LEPR: variants seen among roughly 807,000 people sequenced by gnomAD.
LEPR encodes the protein OB receptor.
Under a neutral mutation model 114.7 loss-of-function variants are expected in LEPR, and 56 were observed. The observed-to-expected ratio is 0.49, with a 90% CI of 0.39 to 0.61. LEPR has a LOEUF of 0.61. LEPR is among the 20% of genes least tolerant of loss of function. LEPR has a pLI of 0.00. For missense variants in LEPR, 1,202 were observed against 1,352.9 expected (o/e 0.89, Z 1.75); for synonymous variants, 443 against 461.4 (o/e 0.96, Z 0.51).
intron 1 of LEPR, among the ~76,000 whole-genome samples, chr1:65,421,069 C>G (rs1441093023): frequency 6.6e-6 from 1 of 152,234 alleles, no homozygotes; most frequent in African/African-American, 2.4e-5. Context: ...CTTCTTGACG[C>G]CACCCTAACG....
At chr1:65,604,750 C>T (rs1253193769) in intron 10 of LEPR, among the ~76,000 whole-genome samples, 1 of 152,224 alleles carries the variant, frequency 6.6e-6, no homozygotes, top group Non-Finnish European at 1.5e-5. Flanking sequence ...CACCTCCTGT[C>T]AGATCAGCGC....
chr1:65,432,959 A>C, intron 2 of LEPR: 1 of 985,128 alleles, frequency 1.0e-6, no homozygotes, highest in Non-Finnish European at 1.2e-6. Context: ...AAAACAAAAC[A>C]TACTCTCTCC....
Position 65,519,109 on chromosome 1 carries a change from C to CTCCTTCCTTCCTTCCT in LEPR, c.-20-46407_-20-46392dup, listed in dbSNP as rs202044069. On this transcript the variant is annotated intron_variant, in intron 2 of 19. Transcript: ENST00000349533. ...TTCCTTCCATCCTCTGTGTCTCTCT[C>CTCCTTCCTTCCTTCCT]TCCTTCCTTCCTTCCTTCCTTCCTT... Among the ~76,000 whole-genome samples the CTCCTTCCTTCCTTCCT allele has an allele frequency of 4.4e-3, 481 of 109,660 alleles. 1 individual carries two copies. The highest frequency in any genetic ancestry group is 8.6e-3 in the Middle Eastern group (2 of 232). 71.9% of individuals were successfully genotyped at this position (109,660 alleles called of 152,430 possible). A position where few individuals can be genotyped will look rare whatever the true frequency, so the allele number is the denominator to read the frequency against.
chr1:65,605,093 G>T lies in LEPR; in HGVS notation c.1459G>T (p.Asp487Tyr). ...TATTCATCCCATATCTGAGCCCAAAGATTGCTATTTGCAGAGTGATGGTTT... is the reference window on the plus strand; with the variant it reads ...TATTCATCCCATATCTGAGCCCAAATATTGCTATTTGCAGAGTGATGGTTT... ...PSIHPISEPKDCYLQSDGFYE... is the reference protein window; with the variant it reads ...PSIHPISEPKYCYLQSDGFYE... Residue 487 changes from aspartate to tyrosine, a missense_variant, in exon 11 of 20, where the codon GAT becomes TAT. Asp to Tyr is a radical substitution (Grantham distance 160). Coordinates refer to ENST00000349533, the MANE Select transcript of LEPR (RefSeq NM_002303.6). 1.2e-6 allele frequency: 2 copies of T among 1,614,038 alleles called. No individual in the cohort carries two copies. The highest frequency in any genetic ancestry group is 1.7e-6 in the Non-Finnish European group (2 of 1,180,006).
At chr1:65,484,800 A>G (rs1038469182) in intron 2 of LEPR, among the ~76,000 whole-genome samples, 1 of 152,244 alleles carries the variant, frequency 6.6e-6, no homozygotes. Flanking sequence ...AACATAGGTT[A>G]TCAGATGCAT....
rs565247991 is a variant in LEPR at position 65,565,362 on chromosome 1, G to A, written c.-20-184G>A. Among the ~76,000 whole-genome samples, 3 of 152,280 alleles carry A rather than the reference G, an allele frequency of 2.0e-5. No individual in the cohort carries two copies. In the East Asian group the frequency reaches 5.8e-4, roughly 29 times the overall value. ...TATTTTTAATGATGTAAGATAGGAT[G>A]CGTACAGGAATAAATCTGTAGCCTA... On this transcript the variant is annotated intron_variant, in intron 2 of 19. Coordinates refer to ENST00000349533, the MANE Select transcript of LEPR (RefSeq NM_002303.6).
At chr1:65,598,607 T>C in intron 7 of LEPR, 53 bp from the exon 8 acceptor site, 1 of 1,608,154 alleles carries the variant, frequency 6.2e-7, no homozygotes, top group Non-Finnish European at 8.5e-7. Flanking sequence ...TCACTTTTAG[T>C]AAAGGTTCCA....
intron 2 of LEPR, among the ~76,000 whole-genome samples, chr1:65,443,067 T>C (rs149166934): frequency 1.3e-5 from 2 of 152,324 alleles, no homozygotes; most frequent in Non-Finnish European, 2.9e-5. Context: ...TTTTCAACAT[T>C]GTGCTAGATA....
chr1:65,459,989 A>C (rs1646924425), intron 2 of LEPR, among the ~76,000 whole-genome samples: 1 of 151,862 alleles, frequency 6.6e-6, no homozygotes, highest in Admixed American at 6.6e-5. Flanking sequence ...AAATGAGCCC[A>C]CATGCCTATA....
intron 2 of LEPR, among the ~76,000 whole-genome samples, chr1:65,459,251 G>A (rs1034161295): frequency 1.3e-5 from 2 of 152,182 alleles, no homozygotes; most frequent in Admixed American, 6.5e-5. Context: ...GTTGCCAGTG[G>A]TAGTTACCGA....
In LEPR at chr1:65,636,301, G is replaced by C; in HGVS notation, c.2784G>C (p.Trp928Cys). The C allele has an allele frequency of 6.2e-7, 1 of 1,613,962 alleles. No individual in the cohort carries two copies. The highest frequency in any genetic ancestry group is 8.5e-7 in the Non-Finnish European group (1 of 1,179,936). ...AAGATATCAGTGTTGATACATCATG[G>C]AAAAATAAAGATGAGATGATGCCAA... The part of the protein sequence containing the change: ...ISEDISVDTS[W>C]KNKDEMMPTT... Residue 928 changes from tryptophan (W) to cysteine (C), a missense_variant, in exon 20 of 20, where the codon TGG becomes TGC. Trp to Cys is a radical substitution (Grantham distance 215, BLOSUM62 -2). Transcript: ENST00000349533.
chr1:65,549,044 A>G (rs1652042966), intron 2 of LEPR, among the ~76,000 whole-genome samples: 1 of 151,368 alleles, frequency 6.6e-6, no homozygotes, highest in Non-Finnish European at 1.5e-5. Flanking sequence ...TCTGTAAAGT[A>G]TTTTATTTCT....
chr1:65,584,657 G>C (rs536625139), intron 5 of LEPR, among the ~76,000 whole-genome samples: 1 of 152,040 alleles, frequency 6.6e-6, no homozygotes, highest in South Asian at 2.1e-4. Context: ...GAAAACAAGC[G>C]TACTAACTGA....
chr1:65,453,243 T>C (rs1234687850), intron 2 of LEPR, among the ~76,000 whole-genome samples: 2 of 152,014 alleles, frequency 1.3e-5, no homozygotes, highest in Non-Finnish European at 2.9e-5. Flanking sequence ...CCTGGATTCA[T>C]TAATTTTTTG....
rs1656991333 is a variant in LEPR at position 65,608,856 on chromosome 1, A to G, written c.1707A>G (p.Gln569=). Reference sequence around the variant, plus strand: ...CAGTCTTTCCAGAGAATAACCTTCAATTCCAGATTCGCTATGGTTTAAGTG... The same window carrying G: ...CAGTCTTTCCAGAGAATAACCTTCAGTTCCAGATTCGCTATGGTTTAAGTG... The part of the protein sequence containing the change: ...EKPVFPENNL[Q]FQIRYGLSGK... Residue 569 remains glutamine (Q), a synonymous_variant, in exon 12 of 20, where the codon CAA becomes CAG. Coordinates refer to ENST00000349533, the MANE Select transcript of LEPR (RefSeq NM_002303.6). The G allele has an allele frequency of 3.7e-6, 6 of 1,613,800 alleles. No individual in the cohort carries two copies. The highest frequency in any genetic ancestry group is 1.3e-5 in the African/African-American group (1 of 75,060).
intron 18 of LEPR, among the ~76,000 whole-genome samples, chr1:65,621,870 G>A (rs938507291): frequency 6.6e-6 from 1 of 152,060 alleles, no homozygotes; most frequent in Non-Finnish European, 1.5e-5. Flanking sequence ...AATGTCTCTG[G>A]GAGGAGGGGA....
intron 2 of LEPR, among the ~76,000 whole-genome samples, chr1:65,462,198 G>C (rs1646954873): frequency 6.6e-6 from 1 of 152,016 alleles, no homozygotes; most frequent in African/African-American, 2.4e-5. Flanking sequence ...TCCCTGCCCT[G>C]TGTCCATGTG....
At chr1:65,624,252 G>A (rs542072046) in intron 19 of LEPR, among the ~76,000 whole-genome samples, 73 of 151,948 alleles carry the variant, frequency 4.8e-4, no homozygotes, top group Non-Finnish European at 2.2e-4. Context: ...GACATAGTAA[G>A]GTCTCAACAA....
intron 5 of LEPR, among the ~76,000 whole-genome samples, chr1:65,572,922 G>A (rs888469255): frequency 2.0e-5 from 3 of 152,220 alleles, no homozygotes; most frequent in East Asian, 1.9e-4. Flanking sequence ...ACAGCTGCAC[G>A]GCTGGCTCTC....
Sources: gnomAD v4.1 joint callset for allele counts (sites outside exome capture counted in the v4.1 genomes callset) on GRCh38, gnomAD v4.1.1 for gene constraint, MANE v1.5 for transcripts, NCBI Gene and HGNC (gene_info 2026-07-23, HGNC 2026-07-21) for gene names.